NBPF26: variants seen among roughly 807,000 people sequenced by gnomAD.
NBPF26 encodes the protein NBPF member 26, also known as NBPF family member NBPF26.
In NBPF26, 79 loss-of-function variants were observed where a neutral mutation model predicts 119.6. That is an observed-to-expected ratio of 0.66 (90% CI 0.55 to 0.80). The LOEUF is 0.80. Ranked by LOEUF, NBPF26 falls within the 30% of genes least tolerant of loss-of-function variation. The pLI, the probability that NBPF26 is intolerant of heterozygous loss-of-function variation, is 0.00. For missense variants in NBPF26, 800 were observed against 1,198.2 expected (o/e 0.67, Z 4.91); for synonymous variants, 299 against 457.7 (o/e 0.65, Z 4.43).
In NBPF26 at chr1:120,822,826, CT is replaced by C. The variant is rs1232873088; in HGVS notation, c.2588-479del. 2.6e-5 allele frequency among the ~76,000 whole-genome samples: 3 copies of C among 114,512 alleles called. 1 individual carries two copies. The highest frequency in any genetic ancestry group is 1.4e-4 in the African/African-American group (3 of 21,208). The allele number at this position is 114,512 out of a possible 152,430, so 75.1% of individuals were successfully genotyped here. ...GTATGTTTTCTAGATAAATGGCTGA[CT>C]TTTCACCCACAAAAGCCATAATAGC... On this transcript the variant is annotated intron_variant, in intron 16 of 29. Coordinates refer to ENST00000620612, the Ensembl canonical transcript of NBPF26.
chr1:120,760,921 T>C (rs1227446180), intron 1 of NBPF26, among the ~76,000 whole-genome samples: 2 of 112,606 alleles, frequency 1.8e-5, no homozygotes, highest in Admixed American at 9.8e-5. Context: ...AGTCAGAAAT[T>C]GTGGGGGTCG....
At position 120,816,652 on chromosome 1, in the gene NBPF26, C is replaced by T; in HGVS notation, c.2196C>T (p.Val732=). ...TGCAGAAGGCTGAAGAAAAGGAAGT[C>T]CCTGAGGACTCACTGGAGGAATGTG... The change falls in exon 14 of 30, where the codon GTC becomes GTT. Residue 732 remains valine (V), a synonymous_variant. Transcript: ENST00000620612. The T allele has an allele frequency of 1.8e-6, 2 of 1,130,250 alleles. 1 individual carries two copies. Among genetic ancestry groups the T allele is most frequent in the Non-Finnish European group, 2.4e-6 (2 of 822,672 alleles). 70.0% of individuals were successfully genotyped at this position (1,130,250 alleles called of 1,614,324 possible).
At chr1:120,733,064 C>T (rs1277296367) in intron 1 of NBPF26, among the ~76,000 whole-genome samples, 4 of 56,344 alleles carry the variant, frequency 7.1e-5, no homozygotes, top group South Asian at 4.1e-4. Context: ...TTTTGGTATA[C>T]GTCTTTGGTT....
At chr1:120,765,160 TG>T (rs1376513131) in intron 2 of NBPF26, among the ~76,000 whole-genome samples, 1 of 121,262 alleles carries the variant, frequency 8.2e-6, no homozygotes, top group South Asian at 2.4e-4. Flanking sequence ...TTTTTCTAGC[TG>T]GGGGAAAAAA....
intron 23 of NBPF26, 125 bp from the exon 28 acceptor site, chr1:120,833,475 GTTA>G: frequency 1.9e-6 from 1 of 533,842 alleles, no homozygotes; most frequent in Non-Finnish European, 3.1e-6. Context: ...GCAATAATTT[GTTA>G]CCTCATTAAT....
In NBPF26 at chr1:120,785,143, T is replaced by C. The variant is rs1343154494; in HGVS notation, c.325T>C (p.Cys109Arg). Reference sequence around the variant, plus strand: ...CTGCCAGTACTCGACACCTCATCCATGCTTTGTGTCTCGACCTTGCCTGAA... The same window carrying C: ...CTGCCAGTACTCGACACCTCATCCACGCTTTGTGTCTCGACCTTGCCTGAA... The change falls in exon 3 of 30, where the codon TGC becomes CGC. Residue 109 changes from cysteine (C) to arginine (R), a missense_variant. By Grantham distance (180) the Cys-to-Arg change is radical (BLOSUM62 -3). Transcript: ENST00000620612. 213 of 1,446,556 alleles carry C rather than the reference T, an allele frequency of 1.5e-4. 44 individuals carry two copies. Among genetic ancestry groups the C allele is most frequent in the Non-Finnish European group, 1.9e-4 (202 of 1,082,396 alleles). The allele number at this position is 1,446,556 out of a possible 1,614,324, so 89.6% of individuals were successfully genotyped here.
rs1650831756 is a variant in NBPF26, at chr1:120,727,802, T to A, written c.73+3552T>A. Among the ~76,000 whole-genome samples the A allele has an allele frequency of 1.7e-5, 2 of 118,186 alleles. 1 individual carries two copies. Among genetic ancestry groups the A allele is most frequent in the Non-Finnish European group, 3.3e-5 (2 of 61,386 alleles). 77.5% of individuals were successfully genotyped at this position (118,186 alleles called of 152,430 possible). A position where few individuals can be genotyped will look rare whatever the true frequency, so the allele number is the denominator to read the frequency against. ...CACGCTTTCCTGATTTTCCTGTTTT[T>A]GTTTCCCCCCCTTTCTCTGCAAATG... On this transcript the variant is annotated intron_variant, in intron 1 of 29. Transcript: ENST00000620612.
In NBPF26 at chr1:120,770,263, G is replaced by A. The variant is rs1213509299; in HGVS notation, c.155+6554G>A. On this transcript the variant is annotated intron_variant, in intron 2 of 29. Coordinates refer to ENST00000620612, the Ensembl canonical transcript of NBPF26. Reference sequence around the variant, plus strand: ...TGGCTCACTGCAAGCTCCGCCTCCCGGGTTCATGCCATTCTCCTGCCTCAG... The same window carrying A: ...TGGCTCACTGCAAGCTCCGCCTCCCAGGTTCATGCCATTCTCCTGCCTCAG... 8.7e-4 allele frequency among the ~76,000 whole-genome samples: 91 copies of A among 105,196 alleles called. 19 individuals carry two copies. The highest frequency in any genetic ancestry group is 2.0e-3 in the South Asian group (7 of 3,496). The allele number at this position is 105,196 out of a possible 152,430, so 69.0% of individuals were successfully genotyped here.
intron 23 of NBPF26, 131 bp from the exon 28 acceptor site, chr1:120,833,470 AAT>A: frequency 1.9e-6 from 1 of 535,234 alleles, no homozygotes; most frequent in Non-Finnish European, 3.1e-6. Flanking sequence ...TAAAGGCAAT[AAT>A]TTGTTACCTC....
chr1:120,793,148 ATCCT>A lies in NBPF26; in HGVS notation c.416-7_416-4del, dbSNP rs1651511781. 1 of 1,258,600 alleles carries A rather than the reference ATCCT, an allele frequency of 7.9e-7. No individual in the cohort carries two copies. Among genetic ancestry groups the A allele is most frequent in the South Asian group, 1.3e-5 (1 of 79,162 alleles). 78.0% of individuals were successfully genotyped at this position (1,258,600 alleles called of 1,614,324 possible). ...TCTGTGGCCAGTACTGAGTTTTGTT[ATCCT>A]TCCTTTAGGTAAGGAGTGCCAATGG... On this transcript the variant is annotated splice_polypyrimidine_tract_variant and intron_variant, in intron 3 of 29. Transcript: ENST00000620612.
At chr1:120,771,067 TAGA>T (rs1651258307) in intron 2 of NBPF26, among the ~76,000 whole-genome samples, 2 of 67,164 alleles carry the variant, frequency 3.0e-5, no homozygotes, top group Admixed American at 1.6e-4. Flanking sequence ...GTGGATGAAA[TAGA>T]AGAAGAGGGC....
chr1:120,815,298 T>C lies in NBPF26; in HGVS notation c.2092+255T>C, dbSNP rs1192280347. ...GCAAGAGGCAGCATCTATCTAGTTT[T>C]AAAGGACAGGAAGGAGGCTGGGATG... On this transcript the variant is annotated intron_variant, in intron 12 of 29. Transcript: ENST00000620612. Among the ~76,000 whole-genome samples, 2 of 116,626 alleles carry C rather than the reference T, an allele frequency of 1.7e-5. 1 individual carries two copies. Among genetic ancestry groups the C allele is most frequent in the Non-Finnish European group, 3.3e-5 (2 of 60,916 alleles). The allele number at this position is 116,626 out of a possible 152,430, so 76.5% of individuals were successfully genotyped here. A position where few individuals can be genotyped will look rare whatever the true frequency, so the allele number is the denominator to read the frequency against.
Position 120,815,477 on chromosome 1 carries a change from G to A in NBPF26, c.2092+434G>A, listed in dbSNP as rs1280884878. ...GTGGCAGACAAATTGTCTCTTGCAA[G>A]TGTCTGAAGCATTCAAATGTGGGAA... On this transcript the variant is annotated intron_variant, in intron 12 of 29. Coordinates refer to ENST00000620612, the Ensembl canonical transcript of NBPF26. Among the ~76,000 whole-genome samples, 24 of 101,358 alleles carry A rather than the reference G, an allele frequency of 2.4e-4. 1 individual carries two copies. In the East Asian group the frequency reaches 5.8e-3, roughly 24 times the overall value. The allele number at this position is 101,358 out of a possible 152,430, so 66.5% of individuals were successfully genotyped here.
At chr1:120,811,960 G>A in exon 10 of NBPF26, 1 of 1,236,950 alleles carries the variant, frequency 8.1e-7, no homozygotes, top group Non-Finnish European at 1.1e-6. Context: ...CGAGAAGGCA[G>A]CGATAAACAT....
At chr1:120,804,558 T>C (rs1651631162) in intron 4 of NBPF26, among the ~76,000 whole-genome samples, 1 of 110,258 alleles carries the variant, frequency 9.1e-6, no homozygotes, top group Non-Finnish European at 1.7e-5. Flanking sequence ...AGATAGATGG[T>C]CACACATGTT....
chr1:120,814,655 G>A (rs1459861145), intron 11 of NBPF26, among the ~76,000 whole-genome samples, 174 bp from the exon 12 acceptor site: 10 of 123,402 alleles, frequency 8.1e-5, no homozygotes, highest in Non-Finnish European at 1.5e-4. Flanking sequence ...TTCAGAGGAA[G>A]CCTGTAAACC....
chr1:120,805,717 T>G, exon 5 of NBPF26: 1 of 1,452,250 alleles, frequency 6.9e-7, no homozygotes, highest in Non-Finnish European at 9.3e-7. Context: ...AGAGAAATGT[T>G]TTCTAACTCA....
At chr1:120,842,215 A>C (rs1425378633), downstream of NBPF26, among the ~76,000 whole-genome samples, 3 of 111,864 alleles carry the variant, frequency 2.7e-5, no homozygotes, top group Non-Finnish European at 5.2e-5. Flanking sequence ...TTTCATTTCC[A>C]TGTTTATTTT....
rs1477112440 is a variant in NBPF26 at position 120,818,529 on chromosome 1, T to C, written c.2423+355T>C. Among the ~76,000 whole-genome samples, 2 of 125,846 alleles carry C rather than the reference T, an allele frequency of 1.6e-5. 1 individual carries two copies. The highest frequency in any genetic ancestry group is 7.5e-5 in the African/African-American group (2 of 26,662). 82.6% of individuals were successfully genotyped at this position (125,846 alleles called of 152,430 possible). On this transcript the variant is annotated intron_variant, in intron 15 of 29. Coordinates refer to ENST00000620612, the Ensembl canonical transcript of NBPF26. ...GTTACTTCTTGTCTTCTGCTAGCTT[T>C]TGAATTTGTTTGCTTTGCTTCTCTC...
Sources: gnomAD v4.1 joint callset for allele counts (sites outside exome capture counted in the v4.1 genomes callset) on GRCh38, gnomAD v4.1.1 for gene constraint, MANE v1.5 for transcripts, NCBI Gene and HGNC (gene_info 2026-07-23, HGNC 2026-07-21) for gene names.